Variants in LHFPL3 observed in about 807,000 individuals in gnomAD.
LHFPL3 encodes the protein LHFPL tetraspan subfamily member 3.
Under a neutral mutation model 19.3 loss-of-function variants are expected in LHFPL3, and 5 were observed. The ratio of observed to expected loss-of-function variants is 0.26; its 90% CI spans 0.14 to 0.54. The LOEUF (loss-of-function observed/expected upper bound fraction) is 0.54, where lower values mean the gene tolerates loss of function less well. Among genes scored for constraint, LHFPL3 ranks in the 20% least tolerant of loss-of-function variants. LHFPL3 has a pLI of 0.94. For missense variants in LHFPL3, 249 were observed against 307.4 expected (o/e 0.81, Z 1.42); for synonymous variants, 133 against 126.2 (o/e 1.05, Z -0.36).
intron 1 of LHFPL3, among the ~76,000 whole-genome samples, chr7:104,454,296 T>A (rs1443509362): frequency 6.6e-6 from 1 of 152,220 alleles, no homozygotes; most frequent in Non-Finnish European, 1.5e-5. Context: ...AGACCATAGG[T>A]AGACCAATTG....
chr7:104,606,317 G>T (rs1193463991), intron 1 of LHFPL3, among the ~76,000 whole-genome samples: 1 of 152,170 alleles, frequency 6.6e-6, no homozygotes, highest in Non-Finnish European at 1.5e-5. Context: ...GCAAAACAGA[G>T]ATATCAGAAA....
chr7:104,749,253 C>A (rs1794109945), intron 2 of LHFPL3, among the ~76,000 whole-genome samples: 1 of 152,272 alleles, frequency 6.6e-6, no homozygotes, highest in Admixed American at 6.5e-5. Flanking sequence ...GCATTGGCAA[C>A]CTCTGCTTGC....
At chr7:104,710,005 C>T (rs1793270785) in intron 1 of LHFPL3, among the ~76,000 whole-genome samples, 1 of 152,236 alleles carries the variant, frequency 6.6e-6, no homozygotes, top group Non-Finnish European at 1.5e-5. Context: ...AAGCCGGGAT[C>T]ATGCCACTGC....
At chr7:104,586,593 G>C (rs1790583530) in intron 1 of LHFPL3, among the ~76,000 whole-genome samples, 1 of 152,116 alleles carries the variant, frequency 6.6e-6, no homozygotes, top group East Asian at 1.9e-4. Context: ...AAGTTGGCAA[G>C]GTATTGGATT....
chr7:104,872,437 G>A (rs1341228031), intron 2 of LHFPL3, among the ~76,000 whole-genome samples: 2 of 152,102 alleles, frequency 1.3e-5, no homozygotes, highest in Non-Finnish European at 2.9e-5. Flanking sequence ...TTGAGGTCAA[G>A]AGTTCAAGAC....
At chr7:104,496,539 C>A (rs553650691) in intron 1 of LHFPL3, among the ~76,000 whole-genome samples, 1 of 152,118 alleles carries the variant, frequency 6.6e-6, no homozygotes, top group African/African-American at 2.4e-5. Flanking sequence ...CCTGAGGAAT[C>A]GCCACACTGA....
At chr7:104,824,282 ATATAT>A (rs1790755927) in intron 2 of LHFPL3, among the ~76,000 whole-genome samples, 1 of 22,272 alleles carries the variant, frequency 4.5e-5, no homozygotes, top group East Asian at 3.4e-3. Flanking sequence ...TATATACAAT[ATATAT>A]AATATATTAT....
chr7:104,591,676 G>A (rs914799480), intron 1 of LHFPL3, among the ~76,000 whole-genome samples: 1 of 152,086 alleles, frequency 6.6e-6, no homozygotes, highest in Non-Finnish European at 1.5e-5. Flanking sequence ...TGCTAGGTTG[G>A]GGAAGTTCTC....
At chr7:104,377,393 AAAG>A (rs1451690245) in intron 1 of LHFPL3, among the ~76,000 whole-genome samples, 1 of 152,214 alleles carries the variant, frequency 6.6e-6, no homozygotes, top group African/African-American at 2.4e-5. Context: ...CTTCACAGGA[AAAG>A]AAGAGAAACC....
chr7:104,868,651 C>T (rs1791774403), intron 2 of LHFPL3, among the ~76,000 whole-genome samples: 2 of 151,570 alleles, frequency 1.3e-5, no homozygotes, highest in Admixed American at 1.3e-4. Flanking sequence ...CCATACTGCC[C>T]AAGGTAATTT....
intron 2 of LHFPL3, among the ~76,000 whole-genome samples, chr7:104,834,704 CAT>C (rs915129330): frequency 2.1e-4 from 32 of 152,112 alleles, no homozygotes; most frequent in Admixed American, 8.5e-4. Context: ...CAATTAAACA[CAT>C]GTGTGCACAA....
At chr7:104,558,014 T>A (rs1490611377) in intron 1 of LHFPL3, among the ~76,000 whole-genome samples, 2 of 150,608 alleles carry the variant, frequency 1.3e-5, no homozygotes, top group East Asian at 1.9e-4. Context: ...GAACTCATCA[T>A]TTTTTATGGC....
intron 1 of LHFPL3, among the ~76,000 whole-genome samples, chr7:104,332,281 G>A (rs994728972): frequency 8.7e-5 from 12 of 137,548 alleles, no homozygotes; most frequent in African/African-American, 1.4e-4. Flanking sequence ...CCAGGCTGGA[G>A]TGCAGTGGTG....
intron 1 of LHFPL3, among the ~76,000 whole-genome samples, chr7:104,729,170 G>C (rs192993839): frequency 6.6e-6 from 1 of 152,114 alleles, no homozygotes; most frequent in East Asian, 1.9e-4. Flanking sequence ...AAATCAAATG[G>C]AGAATAGAAT....
chr7:104,414,995 TC>T (rs1791594841), intron 1 of LHFPL3, among the ~76,000 whole-genome samples: 1 of 152,170 alleles, frequency 6.6e-6, no homozygotes, highest in Non-Finnish European at 1.5e-5. Flanking sequence ...TAGTTACATT[TC>T]GGGTAAATGT....
chr7:104,492,856 C>T (rs1323880955), intron 1 of LHFPL3, among the ~76,000 whole-genome samples: 12 of 152,098 alleles, frequency 7.9e-5, no homozygotes, highest in South Asian at 2.1e-4. Flanking sequence ...TGATCCCACT[C>T]GTTCCTGCCT....
intron 1 of LHFPL3, among the ~76,000 whole-genome samples, chr7:104,717,228 T>G (rs1230560865): frequency 1.3e-5 from 2 of 152,100 alleles, no homozygotes; most frequent in Admixed American, 1.3e-4. Flanking sequence ...AGGGAAAAAC[T>G]TATAACATTA....
chr7:104,693,619 C>A (rs892534651), intron 1 of LHFPL3, among the ~76,000 whole-genome samples: 1 of 152,092 alleles, frequency 6.6e-6, no homozygotes, highest in Non-Finnish European at 1.5e-5. Flanking sequence ...GAAGAGGTGC[C>A]TCCCACCATG....
intron 1 of LHFPL3, among the ~76,000 whole-genome samples, chr7:104,603,066 T>TTTCCTTTC (rs1791002946): frequency 9.2e-6 from 1 of 108,904 alleles, no homozygotes; most frequent in Non-Finnish European, 1.8e-5. Flanking sequence ...CTTTCTTTCT[T>TTTCCTTTC]TTTCTTTCTT....
Sources: gnomAD v4.1 joint callset for allele counts (sites outside exome capture counted in the v4.1 genomes callset) on GRCh38, gnomAD v4.1.1 for gene constraint, MANE v1.5 for transcripts, NCBI Gene and HGNC (gene_info 2026-07-23, HGNC 2026-07-21) for gene names.